EVI5: variants seen among roughly 807,000 people sequenced by gnomAD.
EVI5 encodes the protein ecotropic viral integration site 5.
Under a neutral mutation model 112.0 loss-of-function variants are expected in EVI5, and 73 were observed. The observed-to-expected ratio is 0.65, with a 90% CI of 0.54 to 0.79. The LOEUF (loss-of-function observed/expected upper bound fraction) is 0.79, where lower values mean the gene tolerates loss of function less well. Ranked by LOEUF, EVI5 falls within the 30% of genes least tolerant of loss-of-function variation. EVI5 has a pLI of 0.00. For synonymous variants in EVI5, 305 were observed against 319.9 expected (o/e 0.95, Z 0.50); for missense variants, 900 against 968.8 (o/e 0.93, Z 0.94).
chr1:92,726,895 C>T (rs546204318), intron 2 of EVI5, among the ~76,000 whole-genome samples: 10 of 151,974 alleles, frequency 6.6e-5, no homozygotes, highest in Non-Finnish European at 1.3e-4. Context: ...TAAATCTTAA[C>T]ACAACCACCA....
chr1:92,671,986 G>A (rs998269617), intron 10 of EVI5, among the ~76,000 whole-genome samples: 1 of 151,648 alleles, frequency 6.6e-6, no homozygotes, highest in African/African-American at 2.4e-5. Flanking sequence ...AAAAAAATTT[G>A]TGGAGACAGG....
At chr1:92,787,579 T>C (rs1407096740), upstream of EVI5, among the ~76,000 whole-genome samples, 1 of 146,360 alleles carries the variant, frequency 6.8e-6, no homozygotes, top group East Asian at 2.0e-4. Context: ...AAAAAAAAAA[T>C]ACAAAAAAAA....
At chr1:92,753,604 C>A (rs867076893) in intron 1 of EVI5, among the ~76,000 whole-genome samples, 1 of 151,948 alleles carries the variant, frequency 6.6e-6, no homozygotes, top group Middle Eastern at 3.4e-3. Context: ...ACATGTACAC[C>A]ACATCTCAAT....
At chr1:92,535,756 T>C (rs1663773088) in intron 19 of EVI5, among the ~76,000 whole-genome samples, 2 of 151,880 alleles carry the variant, frequency 1.3e-5, no homozygotes, top group African/African-American at 4.8e-5. Context: ...CCGGGGCCTG[T>C]CGTGGGGTGG....
chr1:92,718,052 T>C (rs775965317), intron 2 of EVI5, among the ~76,000 whole-genome samples: 15 of 152,216 alleles, frequency 9.9e-5, no homozygotes, highest in Non-Finnish European at 1.6e-4. Flanking sequence ...AAGCAAGTCC[T>C]GAGAGACCTA....
Position 92,630,111 on chromosome 1 carries a change from A to G in EVI5, c.1528-4177T>C, listed in dbSNP as rs546517551. ...GTTCCAAGTCTTTGCTATTGTGAATAGTGCCACAAGAAACATACGTGTGCA... is the reference window on the plus strand; with the variant it reads ...GTTCCAAGTCTTTGCTATTGTGAATGGTGCCACAAGAAACATACGTGTGCA... On this transcript the variant is annotated intron_variant, in intron 14 of 19. Coordinates refer to ENST00000684568, the MANE Select transcript of EVI5 (RefSeq NM_001350197.2). 2.0e-4 allele frequency among the ~76,000 whole-genome samples: 31 copies of G among 152,334 alleles called. 1 individual carries two copies. In the South Asian group the frequency reaches 6.4e-3, roughly 32 times the overall value.
chr1:92,630,842 T>C (rs1225173991), intron 14 of EVI5, among the ~76,000 whole-genome samples: 1 of 152,190 alleles, frequency 6.6e-6, no homozygotes, highest in Admixed American at 6.5e-5. Context: ...AATTAATTTT[T>C]GTATAAGGTG....
intron 9 of EVI5, among the ~76,000 whole-genome samples, chr1:92,681,576 T>C (rs115305786): frequency 3.3e-5 from 5 of 152,260 alleles, no homozygotes; most frequent in Admixed American, 1.3e-4. Flanking sequence ...ATGCCCTCCT[T>C]CTCTTCACCT....
At chr1:92,715,416 C>A (rs546369664) in intron 2 of EVI5, among the ~76,000 whole-genome samples, 1 of 152,184 alleles carries the variant, frequency 6.6e-6, no homozygotes, top group Non-Finnish European at 1.5e-5. Flanking sequence ...TAAACTTCTG[C>A]TCCTTTTATT....
intron 18 of EVI5, among the ~76,000 whole-genome samples, chr1:92,591,188 G>C (rs1673809132): frequency 6.6e-6 from 1 of 152,174 alleles, no homozygotes; most frequent in African/African-American, 2.4e-5. Context: ...ATCAAGGCTA[G>C]GAAGAAACTG....
At chr1:92,560,581 G>T in intron 19 of EVI5, among the ~76,000 whole-genome samples, 1 of 151,608 alleles carries the variant, frequency 6.6e-6, no homozygotes, top group East Asian at 1.9e-4. Context: ...ACAGGGTCTT[G>T]CTTTGACACC....
At chr1:92,725,399 G>T (rs1570606395) in intron 2 of EVI5, among the ~76,000 whole-genome samples, 2 of 152,098 alleles carry the variant, frequency 1.3e-5, no homozygotes, top group Non-Finnish European at 2.9e-5. Context: ...AAATTCTTTT[G>T]AAGTAATTTA....
At chr1:92,550,743 T>C (rs1193584066) in intron 19 of EVI5, among the ~76,000 whole-genome samples, 10 of 20,142 alleles carry the variant, frequency 5.0e-4, no homozygotes, top group Non-Finnish European at 8.3e-4. Flanking sequence ...CGAGACTCCG[T>C]CTCAAAAAAA....
chr1:92,749,694 C>T (rs1679883744), intron 1 of EVI5, among the ~76,000 whole-genome samples: 3 of 152,044 alleles, frequency 2.0e-5, no homozygotes, highest in African/African-American at 7.2e-5. Context: ...CCAAATCATG[C>T]TAACTTCAGA....
intron 18 of EVI5, among the ~76,000 whole-genome samples, chr1:92,571,224 A>T (rs1056275152): frequency 6.1e-5 from 9 of 147,404 alleles, no homozygotes; most frequent in African/African-American, 2.3e-4. Context: ...CTTCTAAGGC[A>T]CACTAGATAA....
chr1:92,602,552 C>T (rs1336894082), intron 18 of EVI5, among the ~76,000 whole-genome samples: 1 of 152,056 alleles, frequency 6.6e-6, no homozygotes, highest in Non-Finnish European at 1.5e-5. Flanking sequence ...CAGGAGTGTA[C>T]TATCATGCCC....
chr1:92,770,729 G>A (rs1194853755), intron 1 of EVI5, among the ~76,000 whole-genome samples: 3 of 151,788 alleles, frequency 2.0e-5, no homozygotes, highest in African/African-American at 7.3e-5. Flanking sequence ...GGTGGAGGTT[G>A]CAGTGAGCCG....
chr1:92,691,848 T>C (rs1669553824), intron 9 of EVI5, among the ~76,000 whole-genome samples: 1 of 152,236 alleles, frequency 6.6e-6, no homozygotes, highest in South Asian at 2.1e-4. Context: ...TGGAAATGAC[T>C]GCTGAATTAG....
At chr1:92,549,796 G>A (rs1666467899) in intron 19 of EVI5, among the ~76,000 whole-genome samples, 1 of 152,200 alleles carries the variant, frequency 6.6e-6, no homozygotes, top group South Asian at 2.1e-4. Flanking sequence ...AAATCACAGT[G>A]AGACACCATC....
Sources: gnomAD v4.1 joint callset for allele counts (sites outside exome capture counted in the v4.1 genomes callset) on GRCh38, gnomAD v4.1.1 for gene constraint, MANE v1.5 for transcripts, NCBI Gene and HGNC (gene_info 2026-07-23, HGNC 2026-07-21) for gene names.